GPA33: variants seen among roughly 807,000 people sequenced by gnomAD.
The protein encoded by GPA33 is cell surface A33 antigen.
A neutral mutation model predicts 35.6 loss-of-function variants in GPA33; 27 were observed. The ratio of observed to expected loss-of-function variants is 0.76; its 90% CI spans 0.56 to 1.04. The LOEUF is 1.04. Ranked by LOEUF, GPA33 falls within the 50% of genes least tolerant of loss-of-function variation. The pLI is 0.00. For synonymous variants in GPA33, 176 were observed against 164.0 expected (o/e 1.07, Z -0.56); for missense variants, 428 against 411.9 (o/e 1.04, Z -0.34).
chr1:167,057,651 A>T (rs1666338619), intron 4 of GPA33, among the ~76,000 whole-genome samples: 1 of 152,116 alleles, frequency 6.6e-6, no homozygotes, highest in Non-Finnish European at 1.5e-5. Flanking sequence ...TCTCCGCCCC[A>T]CCGTCACTTT....
chr1:167,055,786 G>T lies in GPA33; in HGVS notation c.635C>A (p.Thr212Asn), dbSNP rs1222458081. The T allele has an allele frequency of 6.2e-7, 1 of 1,613,818 alleles. No homozygotes were observed. The highest frequency in any genetic ancestry group is 8.5e-7 in the Non-Finnish European group (1 of 1,179,834). Reference sequence around the variant, plus strand: ...CTGCGTCCCCTCCTCATTGCTGGAGGTACAGATGTAGTAACCCGATGTGTC... The same window carrying T: ...CTGCGTCCCCTCCTCATTGCTGGAGTTACAGATGTAGTAACCCGATGTGTC... ...STDTSGYYIC[T>N]SSNEEGTQFC... The change falls in exon 5 of 7, where the codon ACC (threonine) becomes AAC (asparagine). Residue 212 changes from threonine to asparagine, a missense_variant. By Grantham distance (65) the Thr-to-Asn change is moderately conservative. Coordinates refer to ENST00000367868, the MANE Select transcript of GPA33 (RefSeq NM_005814.3).
At chr1:167,060,620 G>A (rs1666418570) in intron 4 of GPA33, among the ~76,000 whole-genome samples, 2 of 151,664 alleles carry the variant, frequency 1.3e-5, no homozygotes, top group South Asian at 4.2e-4. Context: ...CTCCTTTCCT[G>A]TCCTCAGGAT....
At chr1:167,090,220 C>A (rs1667127035) in intron 1 of GPA33, 25 bp downstream of exon 1, 1 of 1,585,832 alleles carries the variant, frequency 6.3e-7, no homozygotes, top group South Asian at 1.1e-5. Flanking sequence ...CCCCTGGGCA[C>A]TGGAGAGAAA....
At chr1:167,077,764 C>T (rs1666853817) in intron 1 of GPA33, among the ~76,000 whole-genome samples, 1 of 152,212 alleles carries the variant, frequency 6.6e-6, no homozygotes, top group South Asian at 2.1e-4. Flanking sequence ...GTTAATCATT[C>T]TCAATTCCCT....
At chr1:167,086,376 C>T (rs1379091294) in intron 1 of GPA33, among the ~76,000 whole-genome samples, 1 of 152,250 alleles carries the variant, frequency 6.6e-6, no homozygotes, top group Non-Finnish European at 1.5e-5. Context: ...ATACTACCCT[C>T]TTGAGGTCCA....
chr1:167,074,204 G>T (rs746118460), intron 1 of GPA33, among the ~76,000 whole-genome samples: 5 of 151,774 alleles, frequency 3.3e-5, no homozygotes, highest in Non-Finnish European at 5.9e-5. Context: ...CCCTCAGGAG[G>T]TGGGGTCTGT....
chr1:167,056,241 G>A (rs1666247688), intron 4 of GPA33, among the ~76,000 whole-genome samples: 1 of 152,184 alleles, frequency 6.6e-6, no homozygotes, highest in African/African-American at 2.4e-5. Flanking sequence ...TATGTAGTAA[G>A]TGCTCAGGAA....
chr1:167,070,741 A>T (rs1213983050), intron 2 of GPA33, among the ~76,000 whole-genome samples: 4 of 152,202 alleles, frequency 2.6e-5, no homozygotes, highest in Non-Finnish European at 4.4e-5. Flanking sequence ...GGGTCCTCAG[A>T]TAAGGTTGTG....
chr1:167,056,728 ATG>A (rs1558001955), intron 4 of GPA33, among the ~76,000 whole-genome samples: 780 of 4,874 alleles, frequency 0.16, 1 homozygote, highest in South Asian at 0.21. Flanking sequence ...GTAGTGTGTG[ATG>A]TATGTGGTGT....
At chr1:167,066,718 G>C (rs1666599415) in intron 3 of GPA33, among the ~76,000 whole-genome samples, 1 of 152,258 alleles carries the variant, frequency 6.6e-6, no homozygotes, top group South Asian at 2.1e-4. Context: ...ATTCACTGGA[G>C]GAGCAGTGAT....
chr1:167,067,582 C>T (rs1350957567), intron 3 of GPA33, among the ~76,000 whole-genome samples: 5 of 151,980 alleles, frequency 3.3e-5, no homozygotes, highest in Non-Finnish European at 7.4e-5. Context: ...GGAAATGAGA[C>T]CTATTTAAGG....
chr1:167,056,739 G>A (rs1159109208), intron 4 of GPA33, among the ~76,000 whole-genome samples: 4 of 124,484 alleles, frequency 3.2e-5, no homozygotes, highest in African/African-American at 1.2e-4. Context: ...TGTATGTGGT[G>A]TGTGTGGTGT....
chr1:167,063,569 ACTGCCCCCTTACCTG>A lies in GPA33; in HGVS notation c.569_571+12del. ...TTGACGTGGGGAGCCCGCCTTCCCT[ACTGCCCCCTTACCTG>A]GCTGGGCCAGGGGCTGCTCCTGATT... On this transcript the variant is annotated splice_donor_variant and splice_donor_5th_base_variant and coding_sequence_variant and intron_variant, in exon 4 of 7. Coordinates refer to ENST00000367868, the MANE Select transcript of GPA33 (RefSeq NM_005814.3). LOFTEE classifies it high-confidence loss of function. 1.3e-6 allele frequency: 2 copies of A among 1,595,126 alleles called. No individual in the cohort carries two copies. The highest frequency in any genetic ancestry group is 2.3e-5 in the East Asian group (1 of 44,396).
At chr1:167,080,315 A>G (rs939306695) in intron 1 of GPA33, among the ~76,000 whole-genome samples, 2 of 152,246 alleles carry the variant, frequency 1.3e-5, no homozygotes, top group African/African-American at 4.8e-5. Flanking sequence ...AGGGGTATAC[A>G]GGTTAGAAGT....
intron 1 of GPA33, among the ~76,000 whole-genome samples, chr1:167,079,484 CAA>C (rs59745946): frequency 4.4e-4 from 33 of 75,592 alleles, no homozygotes; most frequent in Admixed American, 4.7e-4. Context: ...ACTCCGTCTC[CAA>C]AAAAAAAAAA....
intron 3 of GPA33, among the ~76,000 whole-genome samples, chr1:167,065,990 C>A (rs1206306676): frequency 1.3e-5 from 2 of 152,162 alleles, no homozygotes; most frequent in African/African-American, 4.8e-5. Flanking sequence ...CCAGAGGACC[C>A]CTAGGATGGG....
At chr1:167,081,321 G>C (rs952433726) in intron 1 of GPA33, among the ~76,000 whole-genome samples, 13 of 152,180 alleles carry the variant, frequency 8.5e-5, no homozygotes, top group Non-Finnish European at 1.5e-4. Flanking sequence ...GATTCTGGAG[G>C]CCAGAAAGGA....
At chr1:167,056,708 T>TGATG (rs1571302223) in intron 4 of GPA33, among the ~76,000 whole-genome samples, 3 of 1,788 alleles carry the variant, frequency 1.7e-3, no homozygotes, top group Non-Finnish European at 3.6e-3. Context: ...GTGGTGTGTG[T>TGATG]AGTGTGTGTG....
At chr1:167,066,457 C>A (rs1480468307) in intron 3 of GPA33, among the ~76,000 whole-genome samples, 8 of 152,114 alleles carry the variant, frequency 5.3e-5, no homozygotes, top group African/African-American at 1.9e-4. Context: ...AGCCTTAGGG[C>A]GGAATGTGTC....
Sources: gnomAD v4.1 joint callset for allele counts (sites outside exome capture counted in the v4.1 genomes callset) on GRCh38, gnomAD v4.1.1 for gene constraint, MANE v1.5 for transcripts, NCBI Gene and HGNC (gene_info 2026-07-23, HGNC 2026-07-21) for gene names.